KCMF1: variants seen among roughly 807,000 people sequenced by gnomAD.
The protein encoded by KCMF1 is E3 ubiquitin-protein ligase KCMF1.
KCMF1 carries 3 observed loss-of-function variants against 41.1 expected under a neutral mutation model. The ratio of observed to expected loss-of-function variants is 0.07; its 90% CI spans 0.03 to 0.19. KCMF1 has a LOEUF of 0.19. Ranked by LOEUF, KCMF1 falls within the 10% of genes least tolerant of loss-of-function variation. The pLI, the probability that KCMF1 is intolerant of heterozygous loss-of-function variation, is 1.00. For missense variants in KCMF1, 286 were observed against 488.9 expected, an observed-to-expected ratio of 0.58 and a Z score of 3.91; for synonymous variants, 142 against 164.5, an observed-to-expected ratio of 0.86 and a Z score of 1.04.
intron 1 of KCMF1, among the ~76,000 whole-genome samples, chr2:84,981,402 G>A (rs1673749204): frequency 6.6e-6 from 1 of 152,046 alleles, no homozygotes; most frequent in East Asian, 1.9e-4. Flanking sequence ...TGTTAGCCAG[G>A]ATGGTCTCGA....
intron 1 of KCMF1, among the ~76,000 whole-genome samples, chr2:84,985,365 G>T (rs1327161120): frequency 2.6e-5 from 4 of 151,900 alleles, no homozygotes; most frequent in African/African-American, 9.7e-5. Flanking sequence ...TACATACTCA[G>T]TTTGTGTCCC....
intron 1 of KCMF1, among the ~76,000 whole-genome samples, chr2:85,013,599 ACCAGC>A (rs1439354537): frequency 5.3e-5 from 8 of 152,020 alleles, no homozygotes; most frequent in Admixed American, 4.6e-4. Flanking sequence ...GTAGTTCGAG[ACCAGC>A]CTGGCCAGCA....
intron 4 of KCMF1, 68 bp downstream of exon 4, chr2:85,043,733 G>A: frequency 9.0e-7 from 1 of 1,110,582 alleles, no homozygotes; most frequent in Non-Finnish European, 1.3e-6. Context: ...TTTTTGTTTT[G>A]GAGACAAGAT....
At chr2:84,994,893 G>A (rs1674139603) in intron 1 of KCMF1, among the ~76,000 whole-genome samples, 1 of 152,092 alleles carries the variant, frequency 6.6e-6, no homozygotes. Flanking sequence ...GAAAAAACTG[G>A]ATCATTCCTT....
rs1675862741 is a variant in KCMF1, at chr2:85,053,720, G to A, written c.*311G>A. The A allele has an allele frequency of 8.3e-6, 2 of 242,276 alleles. No individual in the cohort carries two copies. The highest frequency in any genetic ancestry group is 1.7e-4 in the East Asian group (2 of 11,530). The allele number at this position is 242,276 out of a possible 1,614,324, so 15.0% of individuals were successfully genotyped here. A position where few individuals can be genotyped will look rare whatever the true frequency, so the allele number is the denominator to read the frequency against. On this transcript the variant is annotated 3_prime_UTR_variant, in exon 7 of 7. Transcript: ENST00000409785. ...AATTGAAATCTCTAATGAAGCTGCT[G>A]TGTGTATTTATGAATATTAATGAAT...
At chr2:85,030,058 A>G (rs1177201637) in intron 2 of KCMF1, among the ~76,000 whole-genome samples, 1 of 152,124 alleles carries the variant, frequency 6.6e-6, no homozygotes, top group Admixed American at 6.5e-5. Context: ...GTAAAGTAGT[A>G]TCTCAGGTGG....
intron 2 of KCMF1, among the ~76,000 whole-genome samples, chr2:85,028,543 G>A (rs1367978297): frequency 1.6e-5 from 2 of 126,180 alleles, no homozygotes; most frequent in Admixed American, 1.9e-4. Context: ...AGGCTGGAGT[G>A]CAATGTCGTG....
chr2:84,975,275 G>A (rs1302763965), intron 1 of KCMF1, among the ~76,000 whole-genome samples: 1 of 152,102 alleles, frequency 6.6e-6, no homozygotes, highest in Admixed American at 6.6e-5. Context: ...TTTGGCCTGA[G>A]GGCTGTAGTT....
chr2:84,981,229 G>GC (rs1673737781), intron 1 of KCMF1, among the ~76,000 whole-genome samples: 1 of 144,628 alleles, frequency 6.9e-6, no homozygotes, highest in Non-Finnish European at 1.5e-5. Flanking sequence ...TCACTCTGTT[G>GC]CCCAGGCTGG....
Position 85,057,759 on chromosome 2 carries a change from A to C in KCMF1, c.*4350A>C, listed in dbSNP as rs994286960. The C allele has an allele frequency of 6.6e-6, 1 of 152,224 alleles. No individual in the cohort carries two copies. Among genetic ancestry groups the C allele is most frequent in the Non-Finnish European group, 1.5e-5 (1 of 68,032 alleles). The allele number at this position is 152,224 out of a possible 1,614,324, so 9.4% of individuals were successfully genotyped here. ...TTAAGGAACCCTGCAGCAGACCTCG[A>C]ATAAAATGTGACTTGATGTTTGTTG... On this transcript the variant is annotated 3_prime_UTR_variant, in exon 7 of 7. Coordinates refer to ENST00000409785, the MANE Select transcript of KCMF1 (RefSeq NM_020122.5).
rs1433023283 is a variant in KCMF1 at position 85,053,597 on chromosome 2, C to T, written c.*188C>T. On this transcript the variant is annotated 3_prime_UTR_variant, in exon 7 of 7. Transcript: ENST00000409785. ...CCACTTAACTAATTTTTACTTCTAG[C>T]AGGTAAATGTAGGTAGCAGTGCAGG... 5.9e-6 allele frequency: 4 copies of T among 676,538 alleles called. No homozygotes were observed. The highest frequency in any genetic ancestry group is 9.7e-6 in the Non-Finnish European group (4 of 412,612). The allele number at this position is 676,538 out of a possible 1,614,324, so 41.9% of individuals were successfully genotyped here.
intron 1 of KCMF1, among the ~76,000 whole-genome samples, chr2:85,018,644 G>A (rs936637140): frequency 6.6e-6 from 1 of 152,054 alleles, no homozygotes; most frequent in Non-Finnish European, 1.5e-5. Context: ...CAGAATATAT[G>A]TAGTATAAGG....
At chr2:85,040,105 T>G (rs1675490688) in intron 3 of KCMF1, among the ~76,000 whole-genome samples, 1 of 152,184 alleles carries the variant, frequency 6.6e-6, no homozygotes, top group African/African-American at 2.4e-5. Context: ...CGTGAGCCAC[T>G]GCACCTGGCC....
At chr2:85,000,203 G>A (rs1386565157) in intron 1 of KCMF1, among the ~76,000 whole-genome samples, 1 of 152,044 alleles carries the variant, frequency 6.6e-6, no homozygotes, top group Non-Finnish European at 1.5e-5. Flanking sequence ...TCGGCTCACT[G>A]CAAGCTCCGC....
At position 85,055,753 on chromosome 2, in the gene KCMF1, T is replaced by G. The variant is rs1014836775; in HGVS notation, c.*2344T>G. On this transcript the variant is annotated 3_prime_UTR_variant, in exon 7 of 7. Transcript: ENST00000409785. ...TCTGAATGAAAATCTTATTACTGGA[T>G]GTACTATTGAATAAAAATTAATTGC... 6.6e-6 allele frequency: 1 copy of G among 152,330 alleles called. No homozygotes were observed. The highest frequency in any genetic ancestry group is 3.4e-3 in the Middle Eastern group (1 of 294). 9.4% of individuals were successfully genotyped at this position (152,330 alleles called of 1,614,324 possible). A position where few individuals can be genotyped will look rare whatever the true frequency, so the allele number is the denominator to read the frequency against.
chr2:85,031,967 T>G (rs1036456052), intron 2 of KCMF1, among the ~76,000 whole-genome samples: 6 of 152,218 alleles, frequency 3.9e-5, no homozygotes, highest in Non-Finnish European at 8.8e-5. Context: ...CTCAAACTCC[T>G]GAGCTCAAGT....
chr2:85,024,591 TGTGTGTGTGTGTGTGCGC>T (rs1558579513), intron 1 of KCMF1, among the ~76,000 whole-genome samples: 1 of 151,582 alleles, frequency 6.6e-6, no homozygotes, highest in Non-Finnish European at 1.5e-5. Flanking sequence ...AGAGTGTGTG[TGTGTGTGTGTGTGTGCGC>T]GTGTGTGTGT....
At chr2:85,016,155 C>G (rs761285041) in intron 1 of KCMF1, among the ~76,000 whole-genome samples, 23 of 152,324 alleles carry the variant, frequency 1.5e-4, no homozygotes, top group Non-Finnish European at 1.8e-4. Context: ...AACCTACTTA[C>G]TAAGCTTCCC....
rs1228234740 is a variant in KCMF1, at chr2:85,056,601, AGAG to A, written c.*3193_*3195del. The stretch of plus-strand genomic sequence containing the variant: ...GGTTGGGGGGTAGAAGGAGAATACT[AGAG>A]AGGTTACGGTAGCAGGTGGCTGCAG... On this transcript the variant is annotated 3_prime_UTR_variant, in exon 7 of 7. Coordinates refer to ENST00000409785, the MANE Select transcript of KCMF1 (RefSeq NM_020122.5). The A allele has an allele frequency of 7.2e-5, 11 of 152,358 alleles. No individual in the cohort carries two copies. The highest frequency in any genetic ancestry group is 2.6e-4 in the African/African-American group (11 of 41,580). The allele number at this position is 152,358 out of a possible 1,614,324, so 9.4% of individuals were successfully genotyped here.
Sources: gnomAD v4.1 joint callset for allele counts (sites outside exome capture counted in the v4.1 genomes callset) on GRCh38, gnomAD v4.1.1 for gene constraint, MANE v1.5 for transcripts, NCBI Gene and HGNC (gene_info 2026-07-23, HGNC 2026-07-21) for gene names.